Variants in CSRP2 observed in about 807,000 individuals in gnomAD.
The protein encoded by CSRP2 is cysteine and glycine rich protein 2.
Under a neutral mutation model 24.6 loss-of-function variants are expected in CSRP2, and 18 were observed. That is an observed-to-expected ratio of 0.73 (90% confidence interval 0.51 to 1.09). The LOEUF is 1.09. CSRP2 is among the 50% of genes least tolerant of loss of function. CSRP2 has a pLI of 0.00. For missense variants in CSRP2, 215 were observed against 239.4 expected, an observed-to-expected ratio of 0.90 and a Z score of 0.67; for synonymous variants, 87 against 84.3, an observed-to-expected ratio of 1.03 and a Z score of -0.18.
chr12:76,864,522 A>ACC (rs1953714829), intron 2 of CSRP2: 1 of 152,142 alleles, frequency 6.6e-6, no homozygotes, highest in South Asian at 2.1e-4. Flanking sequence ...GGTAATGGAT[A>ACC]CCCCATTTAA....
intron 1 of CSRP2, among the ~76,000 whole-genome samples, chr12:76,875,294 C>T (rs551602706): frequency 5.3e-5 from 8 of 152,308 alleles, no homozygotes; most frequent in African/African-American, 1.9e-4. Flanking sequence ...AAGGAAAACT[C>T]TCTTCTAATC....
chr12:76,875,850 C>T (rs1028014701), intron 1 of CSRP2, among the ~76,000 whole-genome samples: 1 of 152,160 alleles, frequency 6.6e-6, no homozygotes, highest in African/African-American at 2.4e-5. Flanking sequence ...GTAAGCACTA[C>T]CACTATTCTC....
At chr12:76,859,073 G>T in intron 5 of CSRP2, 45 bp from the exon 6 acceptor site, 1 of 1,548,600 alleles carries the variant, frequency 6.5e-7, no homozygotes, top group Non-Finnish European at 8.9e-7. Flanking sequence ...AGTCCATTAA[G>T]CTTTGCTAGC....
At chr12:76,862,644 C>G (rs975987940) in intron 3 of CSRP2, 1 of 920,326 alleles carries the variant, frequency 1.1e-6, no homozygotes, top group Non-Finnish European at 1.4e-6. Flanking sequence ...CACCTTGATA[C>G]GTTGGCAACA....
chr12:76,871,234 G>A (rs1347603859), intron 1 of CSRP2, among the ~76,000 whole-genome samples: 1 of 152,148 alleles, frequency 6.6e-6, no homozygotes, highest in African/African-American at 2.4e-5. Context: ...GTAAGCAAAT[G>A]CCTTGGCAGG....
chr12:76,859,633 T>G lies in CSRP2; in HGVS notation c.419A>C (p.His140Pro). The change falls in exon 5 of 6, where the codon CAC becomes CCC. Residue 140 changes from histidine to proline, a missense_variant. His to Pro is a moderately conservative substitution (Grantham distance 77, BLOSUM62 -2). Transcript: ENST00000311083. ...EKIIGAGKPW[H>P]KNCFRCAKCG... is the part of the protein sequence containing the mutation. ...CTTTGCACATCGGAAACAGTTTTTG[T>G]GCCAGGGCTGGAAGAGATGAATGTG... 6.2e-7 allele frequency: 1 copy of G among 1,611,528 alleles called. No homozygotes were observed. The highest frequency in any genetic ancestry group is 8.5e-7 in the Non-Finnish European group (1 of 1,179,470).
At chr12:76,874,904 C>T (rs1326770142) in intron 1 of CSRP2, among the ~76,000 whole-genome samples, 1 of 152,122 alleles carries the variant, frequency 6.6e-6, no homozygotes, top group Non-Finnish European at 1.5e-5. Context: ...CATCCACCCA[C>T]CATCCATGAA....
At chr12:76,874,326 C>T (rs776210484) in intron 1 of CSRP2, among the ~76,000 whole-genome samples, 10 of 152,166 alleles carry the variant, frequency 6.6e-5, no homozygotes, top group Non-Finnish European at 1.0e-4. Context: ...AGAAACAGTG[C>T]GGAGCTTAGA....
At chr12:76,861,056 T>C (rs1953671664) in intron 3 of CSRP2, 1 of 152,210 alleles carries the variant, frequency 6.6e-6, no homozygotes, top group South Asian at 2.1e-4. Context: ...TTGTCACTAT[T>C]TACAGATCAC....
chr12:76,862,036 GAA>G (rs1439132262), intron 3 of CSRP2: 1 of 152,186 alleles, frequency 6.6e-6, no homozygotes, highest in African/African-American at 2.4e-5. Context: ...CTGTTCTGAA[GAA>G]AGAGAGGAAG....
At chr12:76,869,270 G>C (rs1357907017) in intron 1 of CSRP2, among the ~76,000 whole-genome samples, 1 of 152,088 alleles carries the variant, frequency 6.6e-6, no homozygotes, top group Non-Finnish European at 1.5e-5. Context: ...CCATTCAAGA[G>C]AGTGGATCCC....
rs1450389986 is a variant in CSRP2 at position 76,866,462 on chromosome 12, C to T, written c.-1-201G>A. Among the ~76,000 whole-genome samples the T allele has an allele frequency of 2.4e-5, 3 of 125,994 alleles. No homozygotes were observed. The East Asian group carries it at 7.7e-4, about 32-fold the overall frequency. The allele number at this position is 125,994 out of a possible 152,430, so 82.7% of individuals were successfully genotyped here. A position where few individuals can be genotyped will look rare whatever the true frequency, so the allele number is the denominator to read the frequency against. On this transcript the variant is annotated intron_variant, in intron 1 of 5. Coordinates refer to ENST00000311083, the MANE Select transcript of CSRP2 (RefSeq NM_001321.3). Reference sequence around the variant, plus strand: ...CTCTTTCATTAGGAAACTGGCTTGTCGTGCACAAGATTTTTTTTTTTTCCT... The same window carrying T: ...CTCTTTCATTAGGAAACTGGCTTGTTGTGCACAAGATTTTTTTTTTTTCCT...
rs1322777380 is a variant in CSRP2, at chr12:76,863,196, C to A, written c.261G>T (p.Arg87Ser). 1.2e-6 allele frequency: 2 copies of A among 1,613,386 alleles called. No individual in the cohort carries two copies. The highest frequency in any genetic ancestry group is 2.2e-5 in the South Asian group (2 of 91,020). Residue 87 changes from arginine (R) to serine (S), a missense_variant, in exon 3 of 6, where the codon AGG becomes AGT. Physicochemically the swap from Arg to Ser is moderately radical, Grantham distance 110. Coordinates refer to ENST00000311083, the MANE Select transcript of CSRP2 (RefSeq NM_001321.3). ...AGTLNMDRGERLGIKPESVQP... is the reference protein window; with the variant it reads ...AGTLNMDRGESLGIKPESVQP... ...CTCACCTCTCTGGTTTGATGCCCAGCCTCTCGCCACGGTCCATGTTAAGCG... is the reference window on the plus strand; with the variant it reads ...CTCACCTCTCTGGTTTGATGCCCAGACTCTCGCCACGGTCCATGTTAAGCG...
chr12:76,864,256 G>C (rs1172525120), intron 2 of CSRP2: 1 of 152,178 alleles, frequency 6.6e-6, no homozygotes, highest in East Asian at 1.9e-4. Context: ...GGAAATCAAA[G>C]ATCAGAATTT....
intron 3 of CSRP2, chr12:76,862,872 G>C (rs1298038153): frequency 6.5e-7 from 1 of 1,530,214 alleles, no homozygotes. Flanking sequence ...TTAATTTCAT[G>C]ACATCCGGTC....
intron 1 of CSRP2, among the ~76,000 whole-genome samples, chr12:76,866,684 T>A (rs1953739183): frequency 6.6e-6 from 1 of 152,110 alleles, no homozygotes; most frequent in South Asian, 2.1e-4. Context: ...TGGGTGGAGG[T>A]TTTCATTACA....
At position 76,858,807 on chromosome 12, in the gene CSRP2, A is replaced by G. The variant is rs994631839; in HGVS notation, c.*145T>C. 6.1e-6 allele frequency: 4 copies of G among 653,672 alleles called. No homozygotes were observed. The highest frequency in any genetic ancestry group is 1.1e-5 in the Non-Finnish European group (4 of 370,870). 40.5% of individuals were successfully genotyped at this position (653,672 alleles called of 1,614,324 possible). ...GGATACCATACAGTGCTCTCTTCCT[A>G]CGAGTTAGCCAGCCTATCCAAGTAC... On this transcript the variant is annotated 3_prime_UTR_variant, in exon 6 of 6. Coordinates refer to ENST00000311083, the MANE Select transcript of CSRP2 (RefSeq NM_001321.3).
chr12:76,867,933 C>A (rs1189427217), intron 1 of CSRP2, among the ~76,000 whole-genome samples: 1 of 152,194 alleles, frequency 6.6e-6, no homozygotes, highest in Non-Finnish European at 1.5e-5. Context: ...AAAGATGAGG[C>A]CTCTCCAAAA....
chr12:76,860,402 T>G lies in CSRP2; in HGVS notation c.293A>C (p.His98Pro). ...AGTGTTTGGATTTGTTGTAGGCCTG[T>G]GAGGCTGAACACTTGTGAAAAGAGG... ...LGIKPESVQPHRPTTNPNTSK... is the reference protein window; with the variant it reads ...LGIKPESVQPPRPTTNPNTSK... Residue 98 changes from histidine to proline, a missense_variant, in exon 4 of 6, where the codon CAC (histidine) becomes CCC (proline). By Grantham distance (77) the His-to-Pro change is moderately conservative. Transcript: ENST00000311083. 1.2e-6 allele frequency: 2 copies of G among 1,612,096 alleles called. No homozygotes were observed. The highest frequency in any genetic ancestry group is 3.3e-4 in the Middle Eastern group (2 of 6,060).
Sources: allele counts gnomAD v4.1 joint callset (sites outside exome capture counted in the v4.1 genomes callset), GRCh38; gene constraint gnomAD v4.1.1; transcripts MANE v1.5; gene names NCBI Gene and HGNC (gene_info 2026-07-23, HGNC 2026-07-21).